Variants in BCKDHA observed in about 807,000 individuals in gnomAD.
The protein encoded by BCKDHA is branched chain keto acid dehydrogenase E1 subunit alpha.
A neutral mutation model predicts 52.2 loss-of-function variants in BCKDHA; 43 were observed. The observed-to-expected ratio is 0.82, with a 90% confidence interval of 0.64 to 1.06. The LOEUF is 1.06. BCKDHA is among the 50% of genes least tolerant of loss of function. The pLI is 0.00. For missense variants in BCKDHA, 527 were observed against 621.3 expected (o/e 0.85, Z 1.61); for synonymous variants, 234 against 247.9 (o/e 0.94, Z 0.53).
At position 41,407,950 on chromosome 19, in the gene BCKDHA, ATT is replaced by A. The variant is rs144717663; in HGVS notation, c.109-2665_109-2664del. The stretch of plus-strand genomic sequence containing the variant: ...GCGTTGGAAGCCCAGTTCTGATGTA[ATT>A]TTTTTTTTTTTTTTTTTTTTTGAGA... On this transcript the variant is annotated intron_variant, in intron 1 of 8. Transcript: ENST00000269980. 9.4e-4 allele frequency among the ~76,000 whole-genome samples: 117 copies of A among 124,444 alleles called. 1 individual carries two copies. Among genetic ancestry groups the A allele is most frequent in the Admixed American group, 1.2e-3 (14 of 11,794 alleles). The allele number at this position is 124,444 out of a possible 152,430, so 81.6% of individuals were successfully genotyped here. A position where few individuals can be genotyped will look rare whatever the true frequency, so the allele number is the denominator to read the frequency against.
intron 1 of BCKDHA, among the ~76,000 whole-genome samples, chr19:41,401,253 T>C (rs2039135847): frequency 6.6e-6 from 1 of 151,520 alleles, no homozygotes; most frequent in South Asian, 2.1e-4. Context: ...ATTTTGTATT[T>C]TTAGTAGAGA....
chr19:41,402,503 TCA>T (rs1446570424), intron 1 of BCKDHA, among the ~76,000 whole-genome samples: 1 of 152,152 alleles, frequency 6.6e-6, no homozygotes, highest in Non-Finnish European at 1.5e-5. Context: ...AGACTGAGGC[TCA>T]GAGAGGTGAG....
chr19:41,419,320 TG>T (rs767888099), intron 5 of BCKDHA, 24 bp downstream of exon 5: 48 of 1,601,202 alleles, frequency 3.0e-5, no homozygotes, highest in Non-Finnish European at 3.9e-5. Context: ...CCCTGTACCT[TG>T]CACATGTGCA....
At position 41,424,621 on chromosome 19, in the gene BCKDHA, C is replaced by A; in HGVS notation, c.*13C>A. ...CTTCGATAAGTGAGACCTGCTCAGC[C>A]CACCCCCACCCATCCTCAGCTACCC... is the stretch of plus-strand genomic sequence containing the variant. On this transcript the variant is annotated 3_prime_UTR_variant, in exon 9 of 9. Transcript: ENST00000269980. The A allele has an allele frequency of 6.4e-7, 1 of 1,569,054 alleles. No individual in the cohort carries two copies. The highest frequency in any genetic ancestry group is 8.7e-7 in the Non-Finnish European group (1 of 1,152,960).
chr19:41,418,928 A>T (rs2039334700), intron 4 of BCKDHA: 2 of 599,818 alleles, frequency 3.3e-6, no homozygotes, highest in African/African-American at 3.7e-5. Flanking sequence ...CACTAAGAGA[A>T]AGAAAGAAAA....
intron 1 of BCKDHA, among the ~76,000 whole-genome samples, chr19:41,402,078 G>A (rs1194586812): frequency 6.6e-6 from 1 of 152,206 alleles, no homozygotes; most frequent in Admixed American, 6.5e-5. Context: ...CATGGTGGCA[G>A]GCAGACAGAG....
intron 6 of BCKDHA, 93 bp from the exon 7 acceptor site, chr19:41,422,536 T>G: frequency 6.3e-7 from 1 of 1,596,360 alleles, no homozygotes; most frequent in South Asian, 1.1e-5. Flanking sequence ...GCACTCAGCC[T>G]TGCTCTCTGT....
rs568830292 is a variant in BCKDHA, at chr19:41,412,583, G to T, written c.376-1466G>T. Among the ~76,000 whole-genome samples the T allele has an allele frequency of 1.5e-3, 229 of 151,368 alleles. 2 individuals carry two copies. Among genetic ancestry groups the T allele is most frequent in the African/African-American group, 5.4e-3 (221 of 41,272 alleles). On this transcript the variant is annotated intron_variant, in intron 3 of 8. Coordinates refer to ENST00000269980, the MANE Select transcript of BCKDHA (RefSeq NM_000709.4). ...AGTAGAGATGGGGTTTCTCCATGTT[G>T]GTCAGTCTGGTCTCGAACTCCCTAC...
Position 41,419,150 on chromosome 19 carries a change from G to A in BCKDHA, c.500G>A (p.Arg167Gln), listed in dbSNP as rs377517768. ...CCCCTCCTAGGTGTGCTGATGTATCGGGACTACCCCCTGGAACTATTCATG... is the reference window on the plus strand; with the variant it reads ...CCCCTCCTAGGTGTGCTGATGTATCAGGACTACCCCCTGGAACTATTCATG... ...QYREAGVLMY[R>Q]DYPLELFMAQ... Residue 167 changes from arginine (R) to glutamine (Q), a missense_variant, in exon 5 of 9, where the codon CGG becomes CAG. Arg to Gln is a conservative substitution (Grantham distance 43). Transcript: ENST00000269980. The A allele has an allele frequency of 8.1e-6, 13 of 1,614,002 alleles. No homozygotes were observed. The highest frequency in any genetic ancestry group is 8.0e-5 in the African/African-American group (6 of 74,890).
intron 8 of BCKDHA, among the ~76,000 whole-genome samples, chr19:41,423,459 C>A (rs1052266966): frequency 6.6e-6 from 1 of 152,168 alleles, no homozygotes; most frequent in Non-Finnish European, 1.5e-5. Context: ...CTTTGGGAGG[C>A]CGAGGTGGCA....
Position 41,424,143 on chromosome 19 carries a change from G to A in BCKDHA, c.1168-295G>A, listed in dbSNP as rs552015314. 1.6e-4 allele frequency among the ~76,000 whole-genome samples: 24 copies of A among 152,274 alleles called. No individual in the cohort carries two copies. The South Asian group carries it at 5.0e-3, about 32-fold the overall frequency. On this transcript the variant is annotated intron_variant, in intron 8 of 8. Coordinates refer to ENST00000269980, the MANE Select transcript of BCKDHA (RefSeq NM_000709.4). ...GTGGTGAGGGCAGCACCCGGCATAGGGCAGCACCGTGTGTCCTGTCCCTGC... is the reference window on the plus strand; with the variant it reads ...GTGGTGAGGGCAGCACCCGGCATAGAGCAGCACCGTGTGTCCTGTCCCTGC...
At chr19:41,413,285 A>G (rs533833546) in intron 3 of BCKDHA, among the ~76,000 whole-genome samples, 9 of 152,318 alleles carry the variant, frequency 5.9e-5, no homozygotes, top group Admixed American at 2.6e-4. Flanking sequence ...ACTGTGTCCC[A>G]TGGCCACCTC....
intron 1 of BCKDHA, among the ~76,000 whole-genome samples, chr19:41,402,072 G>C (rs561215093): frequency 1.2e-4 from 19 of 152,330 alleles, no homozygotes; most frequent in African/African-American, 4.3e-4. Flanking sequence ...ATCTTACATG[G>C]TGGCAGGCAG....
chr19:41,421,162 C>T (rs868012075), intron 5 of BCKDHA, among the ~76,000 whole-genome samples: 4 of 152,164 alleles, frequency 2.6e-5, no homozygotes, highest in Non-Finnish European at 2.9e-5. Flanking sequence ...AAGGCTGGGG[C>T]GTGGCCCTAA....
chr19:41,409,682 T>G (rs1413958664), intron 1 of BCKDHA, among the ~76,000 whole-genome samples: 1 of 152,150 alleles, frequency 6.6e-6, no homozygotes, highest in Admixed American at 6.5e-5. Flanking sequence ...GCTGAACATT[T>G]TATTCATGTG....
At chr19:41,407,601 A>G (rs1017322551) in intron 1 of BCKDHA, among the ~76,000 whole-genome samples, 9 of 152,206 alleles carry the variant, frequency 5.9e-5, no homozygotes, top group African/African-American at 7.2e-5. Flanking sequence ...CCAGGCCTGA[A>G]TCTGCCCTGC....
intron 3 of BCKDHA, 30 bp downstream of exon 3, chr19:41,411,039 G>A (rs748582297): frequency 1.2e-6 from 2 of 1,609,882 alleles, no homozygotes. Context: ...GGGGCGGGGG[G>A]CTGGAATTAC....
At chr19:41,409,464 A>G (rs2039228069) in intron 1 of BCKDHA, among the ~76,000 whole-genome samples, 1 of 152,174 alleles carries the variant, frequency 6.6e-6, no homozygotes, top group African/African-American at 2.4e-5. Flanking sequence ...GGCTTGGAAC[A>G]TGTCAGGTGC....
intron 3 of BCKDHA, among the ~76,000 whole-genome samples, chr19:41,412,400 C>CTTTT (rs1555765814): frequency 1.7e-5 from 1 of 58,122 alleles, no homozygotes; most frequent in African/African-American, 8.0e-5. Context: ...TTTTTTTTTA[C>CTTTT]TTTTGAGATG....
Sources: allele counts gnomAD v4.1 joint callset (sites outside exome capture counted in the v4.1 genomes callset), GRCh38; gene constraint gnomAD v4.1.1; transcripts MANE v1.5; gene names NCBI Gene and HGNC (gene_info 2026-07-23, HGNC 2026-07-21).